POU2F1: variants seen among roughly 807,000 people sequenced by gnomAD.
POU2F1 encodes the protein POU domain, class 2, transcription factor 1.
In POU2F1, 16 loss-of-function variants were observed where a neutral mutation model predicts 84.9. That is an observed-to-expected ratio of 0.19 (90% CI 0.13 to 0.29). The LOEUF is 0.29. Among genes scored for constraint, POU2F1 ranks in the 10% least tolerant of loss-of-function variants. The pLI is 1.00. For synonymous variants in POU2F1, 368 were observed against 368.3 expected, an observed-to-expected ratio of 1.00 and a Z score of 0.01; for missense variants, 738 against 942.6, an observed-to-expected ratio of 0.78 and a Z score of 2.84.
intron 1 of POU2F1, among the ~76,000 whole-genome samples, chr1:167,221,823 C>T (rs1387802007): frequency 6.6e-6 from 1 of 151,928 alleles, no homozygotes; most frequent in Non-Finnish European, 1.5e-5. Flanking sequence ...TGCGTGCCCC[C>T]CCTGGGGGGT....
At chr1:167,352,090 C>G (rs1477460779) in intron 2 of POU2F1, among the ~76,000 whole-genome samples, 2 of 152,014 alleles carry the variant, frequency 1.3e-5, no homozygotes, top group Non-Finnish European at 2.9e-5. Context: ...GAAAGGATGC[C>G]CATTTTAGGA....
intron 2 of POU2F1, among the ~76,000 whole-genome samples, chr1:167,353,381 A>C (rs914196536): frequency 1.4e-5 from 2 of 147,622 alleles, no homozygotes; most frequent in African/African-American, 5.0e-5. Flanking sequence ...ACAAAGAAAT[A>C]TCTCTCTTTA....
rs555171972 is a variant in POU2F1 at position 167,402,447 on chromosome 1, G to A, written c.1555+891G>A. On this transcript the variant is annotated intron_variant, in intron 13 of 15. Coordinates refer to ENST00000367866, the MANE Select transcript of POU2F1 (RefSeq NM_002697.4). ...ATTATATTAAATTTCTACATTATTA[G>A]AACATTTTGTTTATTGTTTTCTGCA... 4.6e-5 allele frequency among the ~76,000 whole-genome samples: 7 copies of A among 152,020 alleles called. No homozygotes were observed. In the South Asian group the frequency reaches 1.5e-3, roughly 32 times the overall value.
chr1:167,298,476 TAA>T (rs1654439389), intron 1 of POU2F1, among the ~76,000 whole-genome samples: 1 of 152,154 alleles, frequency 6.6e-6, no homozygotes, highest in Admixed American at 6.5e-5. Context: ...GCTCTGTATG[TAA>T]AGTCAAGAAT....
At chr1:167,222,297 T>C (rs1299366881) in intron 1 of POU2F1, among the ~76,000 whole-genome samples, 1 of 152,198 alleles carries the variant, frequency 6.6e-6, no homozygotes. Context: ...CTTTACTCTC[T>C]GCTTAGCTGA....
chr1:167,305,428 G>C lies in POU2F1; in HGVS notation c.62-27042G>C, dbSNP rs150267261. On this transcript the variant is annotated intron_variant, in intron 1 of 15. Coordinates refer to ENST00000367866, the MANE Select transcript of POU2F1 (RefSeq NM_002697.4). ...TTGCCCAGGCTGGTCTTGAACTCCTGAGCTCAGGCAATCTGCCCGCCTTGG... is the reference window on the plus strand; with the variant it reads ...TTGCCCAGGCTGGTCTTGAACTCCTCAGCTCAGGCAATCTGCCCGCCTTGG... 2.2e-3 allele frequency among the ~76,000 whole-genome samples: 329 copies of C among 152,152 alleles called. 3 individuals carry two copies. In the Middle Eastern group the frequency reaches 0.024, roughly 11 times the overall value.
intron 1 of POU2F1, among the ~76,000 whole-genome samples, chr1:167,296,498 A>T (rs1292166631): frequency 1.3e-5 from 2 of 152,186 alleles, no homozygotes; most frequent in Non-Finnish European, 2.9e-5. Context: ...AAAATAATAA[A>T]AACTGATTAC....
intron 1 of POU2F1, among the ~76,000 whole-genome samples, chr1:167,255,350 A>G (rs1651052719): frequency 6.6e-6 from 1 of 152,206 alleles, no homozygotes; most frequent in South Asian, 2.1e-4. Context: ...CCATGAATCT[A>G]TAGATTAGCC....
At chr1:167,289,074 G>T (rs1309843158) in intron 1 of POU2F1, among the ~76,000 whole-genome samples, 1 of 152,108 alleles carries the variant, frequency 6.6e-6, no homozygotes, top group Non-Finnish European at 1.5e-5. Flanking sequence ...TTGAATTTCA[G>T]GTAGTCTATG....
chr1:167,271,674 G>A (rs1329056109), intron 1 of POU2F1, among the ~76,000 whole-genome samples: 1 of 152,208 alleles, frequency 6.6e-6, no homozygotes, highest in African/African-American at 2.4e-5. Context: ...GAGGACCTCA[G>A]AGAGTTTCTG....
At chr1:167,333,180 A>G (rs1657196238) in intron 2 of POU2F1, among the ~76,000 whole-genome samples, 1 of 152,154 alleles carries the variant, frequency 6.6e-6, no homozygotes, top group African/African-American at 2.4e-5. Flanking sequence ...TATCATATAA[A>G]TGAGAATACT....
intron 5 of POU2F1, among the ~76,000 whole-genome samples, 193 bp downstream of exon 5, chr1:167,372,229 T>G (rs1660056800): frequency 6.6e-6 from 1 of 152,184 alleles, no homozygotes; most frequent in South Asian, 2.1e-4. Flanking sequence ...TCGTAAGTTT[T>G]CAGGATATCT....
rs568669747 is a variant in POU2F1, at chr1:167,304,993, A to G, written c.62-27477A>G. Among the ~76,000 whole-genome samples, 12 of 152,312 alleles carry G rather than the reference A, an allele frequency of 7.9e-5. No individual in the cohort carries two copies. In the East Asian group the frequency reaches 2.3e-3, roughly 29 times the overall value. ...TAAATAAGGCTTATTATCATGAATG[A>G]AACTGTAATGATGAAAAGTGTAGAG... On this transcript the variant is annotated intron_variant, in intron 1 of 15. Transcript: ENST00000367866.
At chr1:167,351,519 CAAAAAAAAA>C (rs34170498) in intron 2 of POU2F1, among the ~76,000 whole-genome samples, 3 of 45,996 alleles carry the variant, frequency 6.5e-5, no homozygotes, top group African/African-American at 2.1e-4. Flanking sequence ...AGCACCATCT[CAAAAAAAAA>C]AAAAAAAAAA....
chr1:167,308,977 T>C (rs373493349), intron 1 of POU2F1, among the ~76,000 whole-genome samples: 317 of 152,332 alleles, frequency 2.1e-3, no homozygotes, highest in Middle Eastern at 3.4e-3. Context: ...TAAGCAATAG[T>C]TATAATTCAT....
chr1:167,322,164 T>C (rs1656357754), intron 1 of POU2F1, among the ~76,000 whole-genome samples: 1 of 152,208 alleles, frequency 6.6e-6, no homozygotes, highest in African/African-American at 2.4e-5. Flanking sequence ...GTAGGACATT[T>C]ATCAGTAATT....
intron 1 of POU2F1, among the ~76,000 whole-genome samples, chr1:167,309,413 G>C (rs1418786899): frequency 6.6e-6 from 1 of 151,996 alleles, no homozygotes; most frequent in Non-Finnish European, 1.5e-5. Context: ...TTCCCCAACA[G>C]TGGTACACTT....
At chr1:167,314,665 C>G (rs1164428715) in intron 1 of POU2F1, among the ~76,000 whole-genome samples, 1 of 151,712 alleles carries the variant, frequency 6.6e-6, no homozygotes, top group Non-Finnish European at 1.5e-5. Flanking sequence ...TCCCAGCTCC[C>G]TAGGAGGCTG....
chr1:167,335,241 G>C (rs74955841), intron 2 of POU2F1, among the ~76,000 whole-genome samples: 2 of 152,274 alleles, frequency 1.3e-5, no homozygotes, highest in East Asian at 3.9e-4. Context: ...TCTTTAAGGA[G>C]TTAACAATTC....
Sources: gnomAD v4.1 joint callset for allele counts (sites outside exome capture counted in the v4.1 genomes callset) on GRCh38, gnomAD v4.1.1 for gene constraint, MANE v1.5 for transcripts, NCBI Gene and HGNC (gene_info 2026-07-23, HGNC 2026-07-21) for gene names.